The following TXNDC12 variants were observed in gnomAD, a reference collection of about 807,000 sequenced individuals.
The protein encoded by TXNDC12 is thioredoxin domain-containing protein 12.
A neutral mutation model predicts 24.2 loss-of-function variants in TXNDC12; 22 were observed. The ratio of observed to expected loss-of-function variants is 0.91; its 90% CI spans 0.65 to 1.30. The LOEUF is 1.30. Ranked by LOEUF, TXNDC12 falls within the 50% of genes most tolerant of loss-of-function variation. TXNDC12 has a pLI of 0.00. For missense variants in TXNDC12, 184 were observed against 205.8 expected (o/e 0.89, Z 0.65); for synonymous variants, 58 against 73.4 (o/e 0.79, Z 1.07).
intron 1 of TXNDC12, chr1:52,052,795 T>C (rs982396730): frequency 6.6e-6 from 1 of 152,220 alleles, no homozygotes; most frequent in African/African-American, 2.4e-5. Flanking sequence ...TTCCAAGGTA[T>C]TACCTACACC....
Position 52,055,153 on chromosome 1 carries a change from G to A in TXNDC12, c.-57C>T. ...CGGACGCAGGGCCGGAGTCCCAGCA[G>A]ACGGTCCACACAGTTCGCCGAGCGC... On this transcript the variant is annotated 5_prime_UTR_variant, in exon 1 of 7. Coordinates refer to ENST00000371626, the MANE Select transcript of TXNDC12 (RefSeq NM_015913.4). The A allele has an allele frequency of 8.0e-7, 1 of 1,254,690 alleles. No individual in the cohort carries two copies. The highest frequency in any genetic ancestry group is 1.2e-5 in the South Asian group (1 of 83,424). The allele number at this position is 1,254,690 out of a possible 1,614,324, so 77.7% of individuals were successfully genotyped here. A position where few individuals can be genotyped will look rare whatever the true frequency, so the allele number is the denominator to read the frequency against.
chr1:52,054,918 G>T, intron 1 of TXNDC12, 82 bp downstream of exon 1: 1 of 1,072,706 alleles, frequency 9.3e-7, no homozygotes, highest in Non-Finnish European at 1.4e-6. Context: ...AATGGGAGGG[G>T]AACGGTGCTA....
upstream of TXNDC12, chr1:52,055,228 A>C (rs1453483308): frequency 1.5e-6 from 1 of 657,296 alleles, no homozygotes; most frequent in African/African-American, 1.8e-5. Context: ...TCAAACTCTG[A>C]AGGAAGTGAT....
intron 1 of TXNDC12, among the ~76,000 whole-genome samples, chr1:52,053,998 G>A (rs2124398940): frequency 6.6e-6 from 1 of 152,300 alleles, no homozygotes. Context: ...TAGGAACCTT[G>A]TCTGTCCTGT....
At chr1:52,031,041 T>TCCTCTTAAAACCTTTCCAAAACCA (rs1287984778) in intron 2 of TXNDC12, among the ~76,000 whole-genome samples, 1 of 152,204 alleles carries the variant, frequency 6.6e-6, no homozygotes, top group Non-Finnish European at 1.5e-5. Context: ...AAATGTTAAC[T>TCCTCTTAAAACCTTTCCAAAACCA]CCTCTTAAAA....
chr1:52,033,060 G>A (rs1439611633), intron 2 of TXNDC12: 2 of 1,596,912 alleles, frequency 1.3e-6, no homozygotes, highest in East Asian at 2.2e-5. Flanking sequence ...GCTCCTCTAG[G>A]CCCACCAAAG....
intron 1 of TXNDC12, among the ~76,000 whole-genome samples, chr1:52,054,583 T>C (rs910811047): frequency 6.6e-6 from 1 of 152,198 alleles, no homozygotes; most frequent in African/African-American, 2.4e-5. Context: ...GGCAGTAACC[T>C]AGCTCTTCGC....
At chr1:52,042,975 G>A (rs1473111927) in intron 1 of TXNDC12, among the ~76,000 whole-genome samples, 1 of 152,112 alleles carries the variant, frequency 6.6e-6, no homozygotes, top group Admixed American at 6.6e-5. Context: ...GGCCAGCCTG[G>A]TCTCGAACTC....
intron 1 of TXNDC12, among the ~76,000 whole-genome samples, chr1:52,046,853 T>TAAA (rs753854382): frequency 7.0e-5 from 9 of 127,666 alleles, no homozygotes; most frequent in African/African-American, 1.3e-4. Context: ...CCATCTCTAC[T>TAAA]AAAAAAAAAA....
upstream of TXNDC12, chr1:52,055,338 C>G (rs1474416856): frequency 4.3e-6 from 2 of 461,066 alleles, no homozygotes; most frequent in Non-Finnish European, 8.0e-6. Context: ...TTCTCGAGCG[C>G]GAGTTGCTTT....
At chr1:52,025,322 C>T (rs982564536) in intron 4 of TXNDC12, among the ~76,000 whole-genome samples, 2 of 152,004 alleles carry the variant, frequency 1.3e-5, no homozygotes, top group Non-Finnish European at 2.9e-5. Context: ...GGGTTCATGC[C>T]ATCTTCTGCC....
intron 2 of TXNDC12, among the ~76,000 whole-genome samples, chr1:52,031,811 T>G (rs932180779): frequency 2.6e-5 from 4 of 152,212 alleles, no homozygotes; most frequent in Non-Finnish European, 4.4e-5. Context: ...AAAAACACTG[T>G]ATCTAATTGG....
At chr1:52,047,445 A>C (rs1299801632) in intron 1 of TXNDC12, among the ~76,000 whole-genome samples, 2 of 152,240 alleles carry the variant, frequency 1.3e-5, no homozygotes, top group Non-Finnish European at 2.9e-5. Context: ...ATCAGAGAAA[A>C]TAAAAAGGAT....
At position 52,020,293 on chromosome 1, in the gene TXNDC12, TG is replaced by T; in HGVS notation, c.*639del. 1 of 384,574 alleles carries T rather than the reference TG, an allele frequency of 2.6e-6. No individual in the cohort carries two copies. Among genetic ancestry groups the T allele is most frequent in the Non-Finnish European group, 5.1e-6 (1 of 195,016 alleles). 23.8% of individuals were successfully genotyped at this position (384,574 alleles called of 1,614,324 possible). A position where few individuals can be genotyped will look rare whatever the true frequency, so the allele number is the denominator to read the frequency against. ...TAACAAGGGAAAGCATGCTTCCACC[TG>T]GAGCCGAGTCCAAGCACACAGCCAG... On this transcript the variant is annotated 3_prime_UTR_variant, in exon 7 of 7. Transcript: ENST00000371626.
At chr1:52,034,088 T>C in intron 2 of TXNDC12, 1 of 1,266,924 alleles carries the variant, frequency 7.9e-7, no homozygotes, top group Non-Finnish European at 9.9e-7. Flanking sequence ...ATCAGCACTA[T>C]ATTTAGCATA....
At chr1:52,040,324 A>T (rs1256794267) in intron 2 of TXNDC12, among the ~76,000 whole-genome samples, 1 of 151,980 alleles carries the variant, frequency 6.6e-6, no homozygotes, top group Non-Finnish European at 1.5e-5. Flanking sequence ...CCCAGGCTCA[A>T]TTGATCCTCC....
intron 1 of TXNDC12, among the ~76,000 whole-genome samples, chr1:52,045,517 A>G (rs1235004437): frequency 6.6e-6 from 1 of 152,244 alleles, no homozygotes; most frequent in Non-Finnish European, 1.5e-5. Context: ...GCCATCCACA[A>G]GAAGAAACCA....
At chr1:52,024,768 C>T (rs1685650063) in intron 4 of TXNDC12, 189 bp from the exon 5 acceptor site, 1 of 529,746 alleles carries the variant, frequency 1.9e-6, no homozygotes, top group South Asian at 2.9e-5. Context: ...TCTTCAGCTA[C>T]ACTGACCTCT....
chr1:52,040,380 T>C (rs1685962623), intron 2 of TXNDC12, among the ~76,000 whole-genome samples: 1 of 151,580 alleles, frequency 6.6e-6, no homozygotes, highest in African/African-American at 2.4e-5. Context: ...AGAGAAGGGG[T>C]TTCACCATGT....
Sources: allele counts gnomAD v4.1 joint callset (sites outside exome capture counted in the v4.1 genomes callset), GRCh38; gene constraint gnomAD v4.1.1; transcripts MANE v1.5; gene names NCBI Gene and HGNC (gene_info 2026-07-23, HGNC 2026-07-21).